RANBP2: variants seen among roughly 807,000 people sequenced by gnomAD.
The protein encoded by RANBP2 is RAN binding protein 2, also known as E3 SUMO-protein ligase RanBP2.
A neutral mutation model predicts 303.6 loss-of-function variants in RANBP2; 57 were observed. The ratio of observed to expected loss-of-function variants is 0.19; its 90% CI spans 0.15 to 0.23. The LOEUF is 0.23. RANBP2 is among the 10% of genes least tolerant of loss of function. RANBP2 has a pLI of 1.00. For missense variants in RANBP2, 3,138 were observed against 3,780.8 expected, an observed-to-expected ratio of 0.83 and a Z score of 4.46; for synonymous variants, 1,167 against 1,301.5, an observed-to-expected ratio of 0.90 and a Z score of 2.23.
chr2:109,521,744 G>T, the RANBP2 span, among the ~76,000 whole-genome samples: 2 of 152,204 alleles, frequency 1.3e-5, no homozygotes, highest in Non-Finnish European at 1.5e-5. Context: ...AAGAAAGCAG[G>T]GTGGAGTCCC....
the RANBP2 span, among the ~76,000 whole-genome samples, chr2:109,403,182 C>T: frequency 6.6e-6 from 1 of 152,200 alleles, no homozygotes; most frequent in Non-Finnish European, 1.5e-5. Flanking sequence ...TCAGAGTGCC[C>T]GAGCACCATG....
the RANBP2 span, among the ~76,000 whole-genome samples, chr2:109,169,530 T>G: frequency 2.0e-5 from 3 of 152,154 alleles, no homozygotes; most frequent in Non-Finnish European, 4.4e-5. Flanking sequence ...GGGTCCATTT[T>G]CATTTCTGTA....
chr2:109,613,603 C>A, the RANBP2 span: 1 of 309,608 alleles, frequency 3.2e-6, no homozygotes, highest in Admixed American at 5.2e-5. Context: ...CCGGCCGCGC[C>A]CAGGCTCCGC....
chr2:109,385,530 C>T, the RANBP2 span, among the ~76,000 whole-genome samples: 21 of 152,244 alleles, frequency 1.4e-4, no homozygotes, highest in African/African-American at 4.8e-4. Flanking sequence ...GTGAAGGAAA[C>T]AATCACTTAG....
At position 108,731,446 on chromosome 2, in the gene RANBP2, C is replaced by G; in HGVS notation, c.377C>G (p.Pro126Arg). The G allele has an allele frequency of 9.9e-6, 16 of 1,611,496 alleles. No individual in the cohort carries two copies. Among genetic ancestry groups the G allele is most frequent in the Non-Finnish European group, 1.4e-5 (16 of 1,179,552 alleles). ...CTTGAAAGAGCAGCCAAACTTTTCC[C>G]AGGAAGTCCTGCAATTTATAAACTA... ...YWLERAAKLF[P>R]GSPAIYKLKE... Residue 126 changes from proline (P) to arginine (R), a missense_variant, in exon 4 of 29, where the codon CCA (proline) becomes CGA (arginine). Around this residue, in one of 20 missense-constraint regions of RANBP2, gnomAD observed 306 missense variants for 381.9 expected, o/e 0.80. Coordinates refer to ENST00000283195, the MANE Select transcript of RANBP2 (RefSeq NM_006267.5).
At chr2:108,966,513 G>A in the RANBP2 span, among the ~76,000 whole-genome samples, 1 of 152,240 alleles carries the variant, frequency 6.6e-6, no homozygotes, top group African/African-American at 2.4e-5. Context: ...TGTGGTCTCA[G>A]CCATACCCTG....
intron 6 of RANBP2, among the ~76,000 whole-genome samples, chr2:108,738,734 T>C (rs1444519951): frequency 6.7e-6 from 1 of 149,866 alleles, no homozygotes; most frequent in African/African-American, 2.5e-5. Context: ...GTTCAAGCAA[T>C]TCTCCTGCCT....
chr2:109,592,066 G>A, the RANBP2 span, among the ~76,000 whole-genome samples: 1 of 152,150 alleles, frequency 6.6e-6, no homozygotes, highest in Non-Finnish European at 1.5e-5. Context: ...AGCATAAGGT[G>A]TAATCTTGCA....
At chr2:109,261,048 T>C in the RANBP2 span, among the ~76,000 whole-genome samples, 1 of 152,158 alleles carries the variant, frequency 6.6e-6, no homozygotes, top group African/African-American at 2.4e-5. Flanking sequence ...AGGAGGTCAG[T>C]AGCATGAGCA....
At chr2:109,628,501 A>AATAC in the RANBP2 span, among the ~76,000 whole-genome samples, 5 of 39,438 alleles carry the variant, frequency 1.3e-4, no homozygotes, top group African/African-American at 9.4e-4. Context: ...CTCAAAAAAT[A>AATAC]ATAAATAAAT....
the RANBP2 span, among the ~76,000 whole-genome samples, chr2:108,940,623 T>C: frequency 8.5e-5 from 13 of 152,348 alleles, no homozygotes; most frequent in African/African-American, 3.1e-4. Flanking sequence ...CGTCACACAA[T>C]GTGAATGTGG....
rs71381992 is a variant in RANBP2 at position 108,783,333 on chromosome 2, TAAAAAAAAAA to T, written c.9370-243_9370-234del. ...GCGACAGAGTGAGACAGCCTGTCAT[TAAAAAAAAAA>T]AAAAAAAAAAAAAAAAAAATCAAAT... On this transcript the variant is annotated intron_variant, in intron 28 of 28. Coordinates refer to ENST00000283195, the MANE Select transcript of RANBP2 (RefSeq NM_006267.5). 3.1e-4 allele frequency among the ~76,000 whole-genome samples: 13 copies of T among 41,428 alleles called. 1 individual carries two copies. The highest frequency in any genetic ancestry group is 2.5e-3 in the South Asian group (2 of 806). 27.2% of individuals were successfully genotyped at this position (41,428 alleles called of 152,430 possible).
the RANBP2 span, chr2:109,437,257 G>C: frequency 7.0e-7 from 1 of 1,426,082 alleles, no homozygotes; most frequent in Non-Finnish European, 9.3e-7. Context: ...GTGGCTGGTG[G>C]CAGCTTCATG....
At chr2:108,907,932 G>A in the RANBP2 span, 6 of 1,613,630 alleles carry the variant, frequency 3.7e-6, no homozygotes, top group African/African-American at 4.0e-5. Context: ...ACAGCTCCGG[G>A]GAGCCCTGCT....
chr2:109,615,029 A>C, the RANBP2 span: 1 of 1,547,644 alleles, frequency 6.5e-7, no homozygotes, highest in Admixed American at 2.0e-5. Flanking sequence ...AGCTCCCGCC[A>C]CATGGCTGCG....
Position 108,753,124 on chromosome 2 carries a change from C to A in RANBP2, c.1882C>A (p.Pro628Thr). 5 of 1,609,230 alleles carry A rather than the reference C, an allele frequency of 3.1e-6. No homozygotes were observed. The South Asian group carries it at 5.5e-5, about 18-fold the overall frequency. The change falls in exon 13 of 29, where the codon CCT (proline) becomes ACT (threonine). Residue 628 changes from proline (P) to threonine (T), a missense_variant. Around this residue, in one of 20 missense-constraint regions of RANBP2, gnomAD observed 162 missense variants for 286.9 expected, o/e 0.56. Transcript: ENST00000283195. ...GAACAGTATTCCTGAACCTATTGAT[C>A]CTCTGTTTAAACATTTTCATAGTGT... Reference protein sequence around the residue: ...KKNSIPEPIDPLFKHFHSVDI... With the variant: ...KKNSIPEPIDTLFKHFHSVDI...
chr2:108,974,220 G>C, the RANBP2 span, among the ~76,000 whole-genome samples: 1 of 147,482 alleles, frequency 6.8e-6, no homozygotes, highest in Admixed American at 6.9e-5. Flanking sequence ...GTCCCAGCTA[G>C]TTGGGAGGTT....
chr2:109,237,207 A>G, the RANBP2 span, among the ~76,000 whole-genome samples: 2 of 152,268 alleles, frequency 1.3e-5, no homozygotes, highest in Non-Finnish European at 2.9e-5. Context: ...GTTTAAAACT[A>G]CTAAAACCAG....
At chr2:109,731,257 T>G in the RANBP2 span, among the ~76,000 whole-genome samples, 1 of 152,198 alleles carries the variant, frequency 6.6e-6, no homozygotes, top group Non-Finnish European at 1.5e-5. Flanking sequence ...AGTGTAAAAT[T>G]TAAACTTTTG....
Sources: allele counts gnomAD v4.1 joint callset (sites outside exome capture counted in the v4.1 genomes callset), GRCh38; gene constraint gnomAD v4.1.1; regional missense constraint gnomAD v4.1.1; transcripts MANE v1.5; gene names NCBI Gene and HGNC (gene_info 2026-07-23, HGNC 2026-07-21).